The following TECRL variants were observed in gnomAD, a reference collection of about 807,000 sequenced individuals.
TECRL encodes the protein trans-2,3-enoyl-CoA reductase-like.
A neutral mutation model predicts 52.8 loss-of-function variants in TECRL; 63 were observed. That is an observed-to-expected ratio of 1.19 (90% confidence interval 0.97 to 1.47). The LOEUF is 1.47. Among genes scored for constraint, TECRL ranks in the 40% most tolerant of loss-of-function variants. TECRL has a pLI of 0.00. For synonymous variants in TECRL, 164 were observed against 141.9 expected, an observed-to-expected ratio of 1.16 and a Z score of -1.10; for missense variants, 482 against 429.6, an observed-to-expected ratio of 1.12 and a Z score of -1.08.
At chr4:64,403,391 G>A (rs556268449) in intron 1 of TECRL, among the ~76,000 whole-genome samples, 1 of 151,052 alleles carries the variant, frequency 6.6e-6, no homozygotes, top group African/African-American at 2.4e-5. Flanking sequence ...ATTTCTAACT[G>A]CCTGTCTACT....
chr4:64,409,341 CT>C lies in TECRL; in HGVS notation c.10del (p.Arg4GlyfsTer23), dbSNP rs1209012694. MFK[R>X]HKSLASERKR... ...GCGTTCCGAAGCGAGGGACTTGTGC[CT>C]TTTGAACATTGTGTGAACTAAGAGG... On this transcript the variant is annotated frameshift_variant, in exon 1 of 12. Coordinates refer to ENST00000381210, the MANE Select transcript of TECRL (RefSeq NM_001010874.5). LOFTEE classifies it high-confidence loss of function. 1.9e-6 allele frequency: 3 copies of C among 1,612,752 alleles called. No individual in the cohort carries two copies. The highest frequency in any genetic ancestry group is 1.3e-5 in the African/African-American group (1 of 74,856).
Position 64,312,315 on chromosome 4 carries a change from T to C in TECRL, c.551+2333A>G, listed in dbSNP as rs1412851874. On this transcript the variant is annotated intron_variant, in intron 5 of 11. Transcript: ENST00000381210. The stretch of plus-strand genomic sequence containing the variant: ...TTTTCTAAATCTAGATACCTAAATC[T>C]AGGTACCTAAAACTAGATACCTAAA... Among the ~76,000 whole-genome samples the C allele has an allele frequency of 3.3e-5, 5 of 152,194 alleles. No individual in the cohort carries two copies. The East Asian group carries it at 9.6e-4, about 29-fold the overall frequency.
At chr4:64,306,503 C>G (rs187152124) in intron 6 of TECRL, among the ~76,000 whole-genome samples, 1 of 152,060 alleles carries the variant, frequency 6.6e-6, no homozygotes, top group Non-Finnish European at 1.5e-5. Flanking sequence ...TCGTTGCTCT[C>G]CCTTCTTTAT....
chr4:64,397,287 C>T (rs1277690008), intron 1 of TECRL, among the ~76,000 whole-genome samples: 1 of 151,858 alleles, frequency 6.6e-6, no homozygotes, highest in Non-Finnish European at 1.5e-5. Flanking sequence ...TGTAATACCA[C>T]ACTCTAAATT....
intron 2 of TECRL, among the ~76,000 whole-genome samples, chr4:64,358,420 A>C (rs1285586925): frequency 6.6e-6 from 1 of 151,846 alleles, no homozygotes; most frequent in Non-Finnish European, 1.5e-5. Flanking sequence ...CATCAAGCAA[A>C]AGTATATTTC....
intron 4 of TECRL, among the ~76,000 whole-genome samples, chr4:64,315,191 T>G (rs1191176204): frequency 6.6e-6 from 1 of 152,036 alleles, no homozygotes; most frequent in Non-Finnish European, 1.5e-5. Context: ...CTACCCTCCA[T>G]GGGCCTGTCA....
In TECRL at chr4:64,345,744, C is replaced by A. The variant is rs543956815; in HGVS notation, c.287-17188G>T. Among the ~76,000 whole-genome samples the A allele has an allele frequency of 6.0e-5, 9 of 151,052 alleles. No homozygotes were observed. The South Asian group carries it at 8.4e-4, about 14-fold the overall frequency. On this transcript the variant is annotated intron_variant, in intron 2 of 11. Coordinates refer to ENST00000381210, the MANE Select transcript of TECRL (RefSeq NM_001010874.5). Reference sequence around the variant, plus strand: ...AAAGGTTTTCTAAGTCACAAGCAGACCCCAGTTAAGGTCCTGTTGAACCTA... The same window carrying A: ...AAAGGTTTTCTAAGTCACAAGCAGAACCCAGTTAAGGTCCTGTTGAACCTA...
intron 8 of TECRL, among the ~76,000 whole-genome samples, chr4:64,291,452 C>T (rs1051377776): frequency 1.3e-4 from 20 of 151,880 alleles, no homozygotes; most frequent in African/African-American, 4.6e-4. Flanking sequence ...CGTTTTCCAT[C>T]ACTCACAGTG....
intron 2 of TECRL, among the ~76,000 whole-genome samples, chr4:64,368,535 C>A (rs1252038487): frequency 2.0e-5 from 3 of 152,088 alleles, no homozygotes; most frequent in Non-Finnish European, 4.4e-5. Flanking sequence ...ACCTCATGAT[C>A]CGCCCGCCTT....
At chr4:64,298,133 A>T (rs1362263893) in intron 8 of TECRL, among the ~76,000 whole-genome samples, 1 of 151,180 alleles carries the variant, frequency 6.6e-6, no homozygotes, top group Non-Finnish European at 1.5e-5. Flanking sequence ...AAAAATATTT[A>T]AATCTAAAGA....
Position 64,314,700 on chromosome 4 carries a change from A to G in TECRL, c.499T>C (p.Cys167Arg). 1.2e-6 allele frequency: 2 copies of G among 1,613,386 alleles called. No individual in the cohort carries two copies. The highest frequency in any genetic ancestry group is 2.2e-5 in the East Asian group (1 of 44,804). The change falls in exon 5 of 12, where the codon TGT becomes CGT. Residue 167 changes from cysteine (C) to arginine (R), a missense_variant. Transcript: ENST00000381210. ...GCACTCTCTTTTCCATCATATATACATGGGATCCTCAAATAAAAGAGGAGG... is the reference window on the plus strand; with the variant it reads ...GCACTCTCTTTTCCATCATATATACGTGGGATCCTCAAATAAAAGAGGAGG... ...IYLLFYLRIP[C>R]IYDGKESARR...
chr4:64,378,429 T>C (rs916306961), intron 1 of TECRL, among the ~76,000 whole-genome samples: 4 of 151,736 alleles, frequency 2.6e-5, no homozygotes, highest in Non-Finnish European at 5.9e-5. Flanking sequence ...TAGCAGGGCA[T>C]GGAGGGGTGT....
chr4:64,308,190 A>G lies in TECRL; in HGVS notation c.657+1636T>C, dbSNP rs150060717. ...GTCTTGCAAGAGGGACAATGCCTAC[A>G]AGAACACACCTGAACCACCCATTAT... is the stretch of plus-strand genomic sequence containing the variant. On this transcript the variant is annotated intron_variant, in intron 6 of 11. Transcript: ENST00000381210. Among the ~76,000 whole-genome samples the G allele has an allele frequency of 1.5e-3, 229 of 152,276 alleles. 1 individual carries two copies. The highest frequency in any genetic ancestry group is 5.2e-3 in the African/African-American group (218 of 41,570).
At chr4:64,401,927 C>T (rs1724385534) in intron 1 of TECRL, among the ~76,000 whole-genome samples, 1 of 152,166 alleles carries the variant, frequency 6.6e-6, no homozygotes. Flanking sequence ...TTGTTTACCT[C>T]ATCTTCTCAG....
At chr4:64,352,486 T>C (rs998715810) in intron 2 of TECRL, among the ~76,000 whole-genome samples, 11 of 152,208 alleles carry the variant, frequency 7.2e-5, no homozygotes, top group Non-Finnish European at 1.3e-4. Context: ...TTTTCTCCAA[T>C]GAAGATGCTG....
chr4:64,369,623 C>A (rs1721848939), intron 2 of TECRL, among the ~76,000 whole-genome samples: 1 of 151,832 alleles, frequency 6.6e-6, no homozygotes. Flanking sequence ...AGTCACACTG[C>A]CTGAGATTAA....
In TECRL at chr4:64,409,150, G is replaced by T; in HGVS notation, c.202C>A (p.Gln68Lys). The change falls in exon 1 of 12, where the codon CAA becomes AAA. Residue 68 changes from glutamine (Q) to lysine (K), a missense_variant. Gln to Lys is a moderately conservative substitution (Grantham distance 53). Transcript: ENST00000381210. ...AGAATACATATCTGTTTCCTTGTTT[G>T]AGCATCAAATATTTCAATCTCAAAG... ...THFEIEIFDA[Q>K]TRKQICILDK... 1.2e-6 allele frequency: 2 copies of T among 1,612,592 alleles called. No individual in the cohort carries two copies. Among genetic ancestry groups the T allele is most frequent in the South Asian group, 2.2e-5 (2 of 90,966 alleles).
intron 5 of TECRL, 78 bp from the exon 6 acceptor site, chr4:64,310,009 T>G: frequency 4.6e-6 from 4 of 866,584 alleles, no homozygotes; most frequent in Non-Finnish European, 7.2e-6. Flanking sequence ...CATTTTAATT[T>G]TTTTAGTTTA....
At position 64,279,193 on chromosome 4, in the gene TECRL, T is replaced by C. The variant is rs1470986710; in HGVS notation, c.*879A>G. The C allele has an allele frequency of 6.6e-6, 1 of 152,160 alleles. No homozygotes were observed. The highest frequency in any genetic ancestry group is 1.5e-5 in the Non-Finnish European group (1 of 68,020). 9.4% of individuals were successfully genotyped at this position (152,160 alleles called of 1,614,324 possible). On this transcript the variant is annotated 3_prime_UTR_variant, in exon 12 of 12. Coordinates refer to ENST00000381210, the MANE Select transcript of TECRL (RefSeq NM_001010874.5). ...GTTGTTCTCCACATGGCTGCTCTAG[T>C]TTACATTCCCACCAGCAGTGTCTAA... is the stretch of plus-strand genomic sequence containing the variant.
Sources: gnomAD v4.1 joint callset for allele counts (sites outside exome capture counted in the v4.1 genomes callset) on GRCh38, gnomAD v4.1.1 for gene constraint, MANE v1.5 for transcripts, NCBI Gene and HGNC (gene_info 2026-07-23, HGNC 2026-07-21) for gene names.